XKR6: variants seen among roughly 807,000 people sequenced by gnomAD.
The protein encoded by XKR6 is XK related 6.
XKR6 carries 22 observed loss-of-function variants against 56.7 expected under a neutral mutation model. That is an observed-to-expected ratio of 0.39 (90% CI 0.28 to 0.55). The LOEUF (loss-of-function observed/expected upper bound fraction) is 0.55, where lower values mean the gene tolerates loss of function less well. Among genes scored for constraint, XKR6 ranks in the 20% least tolerant of loss-of-function variants. The pLI, the probability that XKR6 is intolerant of heterozygous loss-of-function variation, is 0.66. For synonymous variants in XKR6, 524 were observed against 387.8 expected (o/e 1.35, Z -4.13); for missense variants, 852 against 889.0 (o/e 0.96, Z 0.53).
chr8:11,073,298 A>G (rs1245513593), intron 1 of XKR6, among the ~76,000 whole-genome samples: 1 of 152,178 alleles, frequency 6.6e-6, no homozygotes, highest in African/African-American at 2.4e-5. Flanking sequence ...GCACTTAAGC[A>G]AACACTGGCA....
At chr8:10,945,900 C>T (rs1252853408) in intron 1 of XKR6, among the ~76,000 whole-genome samples, 2 of 152,232 alleles carry the variant, frequency 1.3e-5, no homozygotes, top group African/African-American at 4.8e-5. Context: ...CTCCTGTCCC[C>T]AAGCCTCACT....
intron 1 of XKR6, among the ~76,000 whole-genome samples, chr8:11,096,032 C>A (rs919580927): frequency 6.6e-6 from 1 of 152,180 alleles, no homozygotes; most frequent in African/African-American, 2.4e-5. Flanking sequence ...GTAAACTTTT[C>A]TGAATGTCAA....
chr8:11,141,326 C>T (rs980676167), intron 1 of XKR6, among the ~76,000 whole-genome samples: 2 of 152,170 alleles, frequency 1.3e-5, no homozygotes, highest in Non-Finnish European at 2.9e-5. Flanking sequence ...AACACCATAG[C>T]ACTGGGAGGC....
At chr8:11,042,946 G>C (rs970086841) in intron 1 of XKR6, among the ~76,000 whole-genome samples, 1 of 152,044 alleles carries the variant, frequency 6.6e-6, no homozygotes, top group Non-Finnish European at 1.5e-5. Flanking sequence ...GTGAGGCAGG[G>C]TGCAGGAGAC....
chr8:11,059,996 A>T (rs1799790351), intron 1 of XKR6, among the ~76,000 whole-genome samples: 3 of 152,210 alleles, frequency 2.0e-5, no homozygotes, highest in African/African-American at 7.2e-5. Context: ...CAGTGGCCAG[A>T]TACAGGCAAT....
At chr8:11,020,975 G>A (rs955126314) in intron 1 of XKR6, among the ~76,000 whole-genome samples, 13 of 152,198 alleles carry the variant, frequency 8.5e-5, no homozygotes, top group African/African-American at 2.9e-4. Context: ...TGAGCTACTT[G>A]TGGAGATGAT....
intron 1 of XKR6, among the ~76,000 whole-genome samples, chr8:11,056,221 G>A (rs1799681951): frequency 6.6e-6 from 1 of 152,178 alleles, no homozygotes; most frequent in South Asian, 2.1e-4. Context: ...AGCAAAATGA[G>A]CCTGATTACT....
At chr8:11,022,731 T>C (rs1435279448) in intron 1 of XKR6, among the ~76,000 whole-genome samples, 1 of 152,216 alleles carries the variant, frequency 6.6e-6, no homozygotes, top group Non-Finnish European at 1.5e-5. Flanking sequence ...AATTAGTAAG[T>C]GGTAGAACCA....
rs1270473467 is a variant in XKR6, at chr8:11,059,655, GGGGCGCGGGGCGGGACAGGTGCGGC to G, written c.765-134850_765-134826del. Among the ~76,000 whole-genome samples the G allele has an allele frequency of 3.8e-5, 5 of 132,162 alleles. 1 individual carries two copies. The highest frequency in any genetic ancestry group is 7.7e-3 in the Middle Eastern group (2 of 260). 86.7% of individuals were successfully genotyped at this position (132,162 alleles called of 152,430 possible). ...GCGGGGCGGGGCGGGACAGGTGCGG[GGGGCGCGGGGCGGGACAGGTGCGGC>G]GGGCGCGGGGCGGGACAGGCGCGTC... On this transcript the variant is annotated intron_variant, in intron 1 of 2. Coordinates refer to ENST00000416569, the MANE Select transcript of XKR6 (RefSeq NM_173683.4).
chr8:11,184,077 A>G (rs1021479911), intron 1 of XKR6, among the ~76,000 whole-genome samples: 1 of 152,224 alleles, frequency 6.6e-6, no homozygotes, highest in African/African-American at 2.4e-5. Context: ...AAGATCAGCT[A>G]GACAAAAAAA....
chr8:10,956,065 G>A (rs966978006), intron 1 of XKR6, among the ~76,000 whole-genome samples: 10 of 152,196 alleles, frequency 6.6e-5, no homozygotes, highest in African/African-American at 1.4e-4. Flanking sequence ...TGAGAGGGAT[G>A]TGCCTGCCCA....
intron 1 of XKR6, among the ~76,000 whole-genome samples, chr8:10,933,152 G>C (rs1048658807): frequency 2.8e-5 from 4 of 144,380 alleles, no homozygotes; most frequent in Non-Finnish European, 4.6e-5. Context: ...GGCCAGTGAT[G>C]ATGAGCATTT....
chr8:11,010,580 C>T (rs1049934983), intron 1 of XKR6, among the ~76,000 whole-genome samples: 3 of 152,138 alleles, frequency 2.0e-5, no homozygotes, highest in Non-Finnish European at 4.4e-5. Context: ...TTTTTAAAAT[C>T]CCAACCAAGA....
intron 1 of XKR6, among the ~76,000 whole-genome samples, chr8:11,150,610 C>G (rs966408408): frequency 6.6e-6 from 1 of 151,958 alleles, no homozygotes; most frequent in Non-Finnish European, 1.5e-5. Context: ...CCCAGCACTT[C>G]GGGAGGCCAA....
At chr8:11,074,055 T>G (rs1056982464) in intron 1 of XKR6, among the ~76,000 whole-genome samples, 1 of 152,154 alleles carries the variant, frequency 6.6e-6, no homozygotes, top group Non-Finnish European at 1.5e-5. Context: ...CACAGAAGAC[T>G]AGGAATTGGA....
chr8:10,910,673 C>G (rs73533577), intron 2 of XKR6, among the ~76,000 whole-genome samples: 227 of 152,310 alleles, frequency 1.5e-3, no homozygotes, highest in African/African-American at 5.1e-3. Context: ...GACCTCCCCT[C>G]AAGGAGTTCC....
chr8:10,949,159 G>C (rs1801640287), intron 1 of XKR6, among the ~76,000 whole-genome samples: 1 of 152,244 alleles, frequency 6.6e-6, no homozygotes, highest in Non-Finnish European at 1.5e-5. Context: ...CCTCTGCAGG[G>C]GCCGGCTCTA....
At chr8:11,111,309 C>T (rs1334367970) in intron 1 of XKR6, among the ~76,000 whole-genome samples, 1 of 152,158 alleles carries the variant, frequency 6.6e-6, no homozygotes, top group Non-Finnish European at 1.5e-5. Flanking sequence ...GGAGGGCAAA[C>T]TGAACAGCTC....
At chr8:10,995,689 C>G (rs1330586061) in intron 1 of XKR6, among the ~76,000 whole-genome samples, 2 of 121,390 alleles carry the variant, frequency 1.6e-5, no homozygotes, top group African/African-American at 9.4e-5. Context: ...CCCTATCTCC[C>G]CACCAAAAAA....
Sources: allele counts gnomAD v4.1 joint callset (sites outside exome capture counted in the v4.1 genomes callset), GRCh38; gene constraint gnomAD v4.1.1; transcripts MANE v1.5; gene names NCBI Gene and HGNC (gene_info 2026-07-23, HGNC 2026-07-21).